Variants in SHISA6 observed in about 807,000 individuals in gnomAD.
The protein encoded by SHISA6 is shisa family member 6.
In SHISA6, 22 loss-of-function variants were observed where a neutral mutation model predicts 47.9. That is an observed-to-expected ratio of 0.46 (90% CI 0.33 to 0.66). The LOEUF is 0.66. SHISA6 is among the 30% of genes least tolerant of loss of function. The probability of loss-of-function intolerance (pLI) is 0.02; values close to 1 mark genes in which losing one functional copy is unlikely to be tolerated. For synonymous variants in SHISA6, 388 were observed against 337.8 expected (o/e 1.15, Z -1.63); for missense variants, 680 against 764.6 (o/e 0.89, Z 1.30).
At chr17:11,406,187 T>C (rs2142268327) in intron 3 of SHISA6, among the ~76,000 whole-genome samples, 1 of 152,332 alleles carries the variant, frequency 6.6e-6, no homozygotes, top group East Asian at 1.9e-4. Context: ...ACATAGGCAG[T>C]GGTACGTGGA....
chr17:11,281,617 T>G (rs773227976), intron 2 of SHISA6, among the ~76,000 whole-genome samples: 24 of 152,214 alleles, frequency 1.6e-4, no homozygotes, highest in Non-Finnish European at 2.9e-4. Flanking sequence ...AGTTCTGTTT[T>G]CTTGTCATTT....
chr17:11,553,082 G>A (rs918200893), intron 4 of SHISA6, among the ~76,000 whole-genome samples: 1 of 152,222 alleles, frequency 6.6e-6, no homozygotes, highest in African/African-American at 2.4e-5. Flanking sequence ...CAGGAAAACA[G>A]TCAGTATGTA....
chr17:11,374,443 A>G (rs1285951407), intron 2 of SHISA6, among the ~76,000 whole-genome samples: 2 of 151,192 alleles, frequency 1.3e-5, no homozygotes, highest in African/African-American at 4.9e-5. Context: ...TCTGATTCTT[A>G]TGTGACAGTT....
intron 2 of SHISA6, among the ~76,000 whole-genome samples, chr17:11,346,593 C>G (rs527797013): frequency 5.5e-4 from 83 of 152,284 alleles, no homozygotes; most frequent in Non-Finnish European, 4.9e-4. Context: ...ACAGAATCAT[C>G]TGGGATCAAT....
intron 3 of SHISA6, among the ~76,000 whole-genome samples, chr17:11,487,712 T>A (rs989794894): frequency 1.3e-5 from 2 of 152,200 alleles, no homozygotes; most frequent in Admixed American, 1.3e-4. Flanking sequence ...CAGGACCCTT[T>A]TGTAAATATC....
At position 11,507,753 on chromosome 17, in the gene SHISA6, G is replaced by T. The variant is rs531276216; in HGVS notation, c.896-44143G>T. On this transcript the variant is annotated intron_variant, in intron 3 of 5. Transcript: ENST00000441885. ...ACATCATTGTTTTAATGTGTCTCTT[G>T]CCACTAACTTGAAAGTATCTCTCTC... 5.3e-5 allele frequency among the ~76,000 whole-genome samples: 8 copies of T among 152,224 alleles called. No individual in the cohort carries two copies. The East Asian group carries it at 1.5e-3, about 29-fold the overall frequency.
chr17:11,515,271 T>G (rs1225930378), intron 3 of SHISA6, among the ~76,000 whole-genome samples: 14 of 62,136 alleles, frequency 2.3e-4, no homozygotes, highest in East Asian at 1.2e-3. Flanking sequence ...AAAAAGAAAA[T>G]AGAGAAAGAA....
chr17:11,489,496 G>T (rs953300442), intron 3 of SHISA6, among the ~76,000 whole-genome samples: 1 of 152,090 alleles, frequency 6.6e-6, no homozygotes, highest in East Asian at 1.9e-4. Flanking sequence ...TTTATAGTTT[G>T]TATCTCATAT....
At position 11,475,934 on chromosome 17, in the gene SHISA6, G is replaced by A. The variant is rs138590448; in HGVS notation, c.896-75962G>A. 1.5e-3 allele frequency among the ~76,000 whole-genome samples: 226 copies of A among 152,096 alleles called. 1 individual carries two copies. Among genetic ancestry groups the A allele is most frequent in the African/African-American group, 5.0e-3 (206 of 41,546 alleles). On this transcript the variant is annotated intron_variant, in intron 3 of 5. Transcript: ENST00000441885. ...GGGTCTGGTGACTTCAGTTCTGGAA[G>A]GCTATTAATTATTGGTTCAATTTCT...
At chr17:11,428,467 A>T (rs1914660286) in intron 3 of SHISA6, among the ~76,000 whole-genome samples, 1 of 152,252 alleles carries the variant, frequency 6.6e-6, no homozygotes, top group South Asian at 2.1e-4. Flanking sequence ...GCTGAGCATG[A>T]GGACTGGGTG....
intron 2 of SHISA6, among the ~76,000 whole-genome samples, chr17:11,306,868 A>G (rs938662120): frequency 9.2e-5 from 14 of 152,086 alleles, no homozygotes; most frequent in African/African-American, 2.9e-4. Context: ...CTTTATTTCC[A>G]TGGTGACTTG....
chr17:11,267,751 A>G (rs910240185), intron 2 of SHISA6, among the ~76,000 whole-genome samples: 3 of 152,180 alleles, frequency 2.0e-5, no homozygotes, highest in Non-Finnish European at 4.4e-5. Context: ...TGTCGTAACC[A>G]GTCCTCTCCT....
chr17:11,429,565 G>T (rs1914693930), intron 3 of SHISA6, among the ~76,000 whole-genome samples: 1 of 150,556 alleles, frequency 6.6e-6, no homozygotes, highest in Admixed American at 6.6e-5. Context: ...TGGATCTCCT[G>T]AGGTTGGGAG....
intron 2 of SHISA6, among the ~76,000 whole-genome samples, chr17:11,377,602 TGAG>T (rs1912848337): frequency 6.6e-6 from 1 of 152,138 alleles, no homozygotes; most frequent in Non-Finnish European, 1.5e-5. Context: ...CTCTCAGGTT[TGAG>T]ATCTGGGGTA....
intron 3 of SHISA6, among the ~76,000 whole-genome samples, chr17:11,394,069 A>G (rs978095784): frequency 6.6e-6 from 1 of 152,156 alleles, no homozygotes; most frequent in Non-Finnish European, 1.5e-5. Context: ...TTTAACTTGT[A>G]TGCTGTCTTG....
intron 2 of SHISA6, among the ~76,000 whole-genome samples, chr17:11,292,728 G>T (rs139301005): frequency 6.6e-6 from 1 of 151,852 alleles, no homozygotes; most frequent in Non-Finnish European, 1.5e-5. Flanking sequence ...ATGAACTTGC[G>T]TCCTTCCGGT....
chr17:11,394,983 A>AT lies in SHISA6; in HGVS notation c.895+15483dup, dbSNP rs904272787. Among the ~76,000 whole-genome samples the AT allele has an allele frequency of 6.0e-5, 6 of 100,834 alleles. No individual in the cohort carries two copies. The South Asian group carries it at 9.4e-4, about 16-fold the overall frequency. The allele number at this position is 100,834 out of a possible 152,430, so 66.2% of individuals were successfully genotyped here. A position where few individuals can be genotyped will look rare whatever the true frequency, so the allele number is the denominator to read the frequency against. Reference sequence around the variant, plus strand: ...TAAATTTCAGATATGGTGGCCCTTTATTTTTTTTTCTTTTCTTTTTTTTTT... The same window carrying AT: ...TAAATTTCAGATATGGTGGCCCTTTATTTTTTTTTTCTTTTCTTTTTTTTTT... On this transcript the variant is annotated intron_variant, in intron 3 of 5. Transcript: ENST00000441885.
intron 3 of SHISA6, among the ~76,000 whole-genome samples, chr17:11,397,429 GTTCACTACCTTTTAATTT>G (rs1913608186): frequency 6.6e-6 from 1 of 151,138 alleles, no homozygotes; most frequent in Non-Finnish European, 1.5e-5. Context: ...GTGTGTGTGT[GTTCACTACCTTTTAATTT>G]TGTTTTTTCT....
intron 3 of SHISA6, among the ~76,000 whole-genome samples, chr17:11,535,278 A>G (rs1260514795): frequency 6.6e-6 from 1 of 152,220 alleles, no homozygotes; most frequent in Non-Finnish European, 1.5e-5. Flanking sequence ...GGAGATTCCC[A>G]GAAAAAGAGC....
Sources: allele counts gnomAD v4.1 joint callset (sites outside exome capture counted in the v4.1 genomes callset), GRCh38; gene constraint gnomAD v4.1.1; transcripts MANE v1.5; gene names NCBI Gene and HGNC (gene_info 2026-07-23, HGNC 2026-07-21).